Variants in RHPN2 observed in about 807,000 individuals in gnomAD.
The protein encoded by RHPN2 is rhophilin-2.
In RHPN2, 40 loss-of-function variants were observed where a neutral mutation model predicts 79.0. The observed-to-expected ratio is 0.51, with a 90% CI of 0.39 to 0.66. RHPN2 has a LOEUF of 0.66. Ranked by LOEUF, RHPN2 falls within the 30% of genes least tolerant of loss-of-function variation. The pLI is 0.00. For missense variants in RHPN2, 686 were observed against 883.5 expected, an observed-to-expected ratio of 0.78 and a Z score of 2.83; for synonymous variants, 285 against 363.5, an observed-to-expected ratio of 0.78 and a Z score of 2.46.
At position 33,012,685 on chromosome 19, in the gene RHPN2, A is replaced by G. The variant is rs200130835; in HGVS notation, c.430T>C (p.Tyr144His). 1 of 1,607,024 alleles carries G rather than the reference A, an allele frequency of 6.2e-7. No homozygotes were observed. Residue 144 changes from tyrosine to histidine, a missense_variant, in exon 5 of 15, where the codon TAT (tyrosine) becomes CAT (histidine). By Grantham distance (83) the Tyr-to-His change is moderately conservative (BLOSUM62 2). Coordinates refer to ENST00000254260, the MANE Select transcript of RHPN2 (RefSeq NM_033103.5). ...ATAAGATCTGCAATTTCATCTTCAT[A>G]TAAATAGCCATCTTCACTGTAATGT... ...LEHYSEDGYL[Y>H]EDEIADLMDL...
intron 6 of RHPN2, among the ~76,000 whole-genome samples, chr19:33,011,239 T>C (rs540266799): frequency 1.3e-5 from 2 of 152,276 alleles, no homozygotes; most frequent in African/African-American, 4.8e-5. Context: ...AGACCCCATT[T>C]CAAAAGAAAC....
At chr19:32,999,827 T>C (rs1971735063) in intron 9 of RHPN2, 122 bp from the exon 10 acceptor site, 2 of 1,321,680 alleles carry the variant, frequency 1.5e-6, no homozygotes. Flanking sequence ...TTTGGGATCA[T>C]GGGTCTCCTT....
At chr19:33,056,760 C>A (rs566428448) in intron 1 of RHPN2, among the ~76,000 whole-genome samples, 2 of 151,938 alleles carry the variant, frequency 1.3e-5, no homozygotes, top group East Asian at 1.9e-4. Context: ...AAGCTGGGTG[C>A]GGTGGCTCAT....
intron 1 of RHPN2, among the ~76,000 whole-genome samples, chr19:33,058,950 C>A (rs1387899701): frequency 6.6e-6 from 1 of 152,072 alleles, no homozygotes; most frequent in African/African-American, 2.4e-5. Context: ...ATACAATTAG[C>A]CGGGCATGGT....
chr19:33,001,863 C>A (rs960722862), intron 9 of RHPN2, among the ~76,000 whole-genome samples: 1 of 152,192 alleles, frequency 6.6e-6, no homozygotes, highest in African/African-American at 2.4e-5. Context: ...CTTGGCCTCC[C>A]AAAGTGCTGA....
chr19:33,053,512 C>T (rs577799987), intron 1 of RHPN2, among the ~76,000 whole-genome samples: 2 of 150,888 alleles, frequency 1.3e-5, no homozygotes, highest in South Asian at 4.2e-4. Flanking sequence ...CAACCTCTGC[C>T]TCCTAGGTTC....
chr19:32,980,009 C>T lies in RHPN2; in HGVS notation c.2048G>A (p.Ser683Asn). 2 of 1,613,890 alleles carry T rather than the reference C, an allele frequency of 1.2e-6. No homozygotes were observed. The highest frequency in any genetic ancestry group is 1.7e-6 in the Non-Finnish European group (2 of 1,179,822). Residue 683 changes from serine (S) to asparagine (N), a missense_variant, in exon 15 of 15, where the codon AGT becomes AAT. By Grantham distance (46) the Ser-to-Asn change is conservative. Coordinates refer to ENST00000254260, the MANE Select transcript of RHPN2 (RefSeq NM_033103.5). ...PSPFSLLNSDSSWY is the reference protein window; with the variant it reads ...PSPFSLLNSDNSWY Reference sequence around the variant, plus strand: ...TGTTTCCTCACATTAGTACCAAGAACTGTCTGAGTTGAGAAGGCTGAAAGG... The same window carrying T: ...TGTTTCCTCACATTAGTACCAAGAATTGTCTGAGTTGAGAAGGCTGAAAGG...
intron 4 of RHPN2, among the ~76,000 whole-genome samples, chr19:33,017,041 C>A (rs1971883618): frequency 6.6e-6 from 1 of 152,162 alleles, no homozygotes; most frequent in Non-Finnish European, 1.5e-5. Flanking sequence ...TTAAAAATGC[C>A]TATAAAATTC....
intron 2 of RHPN2, among the ~76,000 whole-genome samples, chr19:33,029,432 A>C (rs911676160): frequency 2.0e-5 from 3 of 150,418 alleles, no homozygotes; most frequent in African/African-American, 7.3e-5. Context: ...GGGCTGAGGC[A>C]GGAGAATGGC....
intron 10 of RHPN2, among the ~76,000 whole-genome samples, chr19:32,998,031 G>A (rs1239280124): frequency 6.6e-6 from 1 of 152,180 alleles, no homozygotes; most frequent in Non-Finnish European, 1.5e-5. Flanking sequence ...TGCGTGAGAC[G>A]GGAGCCCACT....
chr19:33,063,307 A>C (rs912282633), intron 1 of RHPN2, among the ~76,000 whole-genome samples: 2 of 152,062 alleles, frequency 1.3e-5, no homozygotes, highest in Non-Finnish European at 2.9e-5. Flanking sequence ...CTTCACAAAA[A>C]AGAAGTTTTC....
intron 2 of RHPN2, among the ~76,000 whole-genome samples, chr19:33,043,479 G>A (rs575620628): frequency 6.6e-6 from 1 of 152,044 alleles, no homozygotes; most frequent in Non-Finnish European, 1.5e-5. Context: ...TTGAACCCAG[G>A]AGACACAGGT....
chr19:33,010,385 GTTTT>G (rs34076809), intron 6 of RHPN2, among the ~76,000 whole-genome samples: 1 of 140,576 alleles, frequency 7.1e-6, no homozygotes. Flanking sequence ...TTTTTAGGTT[GTTTT>G]TTTTTTTTTT....
chr19:33,012,596 T>C (rs773096363), intron 5 of RHPN2, 51 bp downstream of exon 5: 1 of 1,161,218 alleles, frequency 8.6e-7, no homozygotes, highest in African/African-American at 1.5e-5. Context: ...TGGGGTTCCC[T>C]GAAGACTCGG....
chr19:33,032,459 T>C lies in RHPN2; in HGVS notation c.186-5827A>G, dbSNP rs1054723252. On this transcript the variant is annotated intron_variant, in intron 2 of 14. Coordinates refer to ENST00000254260, the MANE Select transcript of RHPN2 (RefSeq NM_033103.5). ...AAATTTCCAGCCCTCTCACCATGGC[T>C]TGTGCTTTCTGGGGATCAGCATCCA... is the stretch of plus-strand genomic sequence containing the variant. Among the ~76,000 whole-genome samples the C allele has an allele frequency of 7.2e-5, 11 of 152,218 alleles. No individual in the cohort carries two copies. In the East Asian group the frequency reaches 2.1e-3, roughly 29 times the overall value.
intron 3 of RHPN2, among the ~76,000 whole-genome samples, chr19:33,023,657 C>G (rs1022393492): frequency 6.6e-6 from 1 of 150,810 alleles, no homozygotes; most frequent in Non-Finnish European, 1.5e-5. Context: ...AGGTGGCGGG[C>G]GCCTTTAGTC....
intron 2 of RHPN2, among the ~76,000 whole-genome samples, chr19:33,033,264 G>A (rs900265347): frequency 3.3e-5 from 5 of 151,866 alleles, no homozygotes; most frequent in South Asian, 2.1e-4. Context: ...CAGTAGGTTC[G>A]ACTTAAATAT....
chr19:32,996,376 ACT>A, intron 10 of RHPN2, 156 bp from the exon 11 acceptor site: 1 of 709,564 alleles, frequency 1.4e-6, no homozygotes, highest in Non-Finnish European at 2.5e-6. Flanking sequence ...AACCTGAGTG[ACT>A]CTCTCCTAGC....
intron 1 of RHPN2, among the ~76,000 whole-genome samples, chr19:33,051,098 T>C (rs1173916672): frequency 6.6e-6 from 1 of 152,076 alleles, no homozygotes; most frequent in Non-Finnish European, 1.5e-5. Flanking sequence ...CTCAAGCGAT[T>C]CTCCTGTCTC....
Sources: gnomAD v4.1 joint callset for allele counts (sites outside exome capture counted in the v4.1 genomes callset) on GRCh38, gnomAD v4.1.1 for gene constraint, MANE v1.5 for transcripts, NCBI Gene and HGNC (gene_info 2026-07-23, HGNC 2026-07-21) for gene names.